SVIL: variants seen among roughly 807,000 people sequenced by gnomAD.
SVIL encodes the protein supervillin, also known as archvillin.
SVIL carries 101 observed loss-of-function variants against 240.4 expected under a neutral mutation model. That is an observed-to-expected ratio of 0.42 (90% CI 0.36 to 0.50). SVIL has a LOEUF of 0.50. Among genes scored for constraint, SVIL ranks in the 20% least tolerant of loss-of-function variants. SVIL has a pLI of 0.01. For synonymous variants in SVIL, 999 were observed against 1,100.0 expected (o/e 0.91, Z 1.82); for missense variants, 2,512 against 2,818.7 (o/e 0.89, Z 2.46).
chr10:29,533,593 G>T, intron 7 of SVIL, 135 bp from the exon 8 acceptor site: 8 of 1,401,156 alleles, frequency 5.7e-6, no homozygotes, highest in Non-Finnish European at 7.5e-6. Context: ...GCATTTTGGT[G>T]TCTAATGTCA....
chr10:29,719,588 C>A (rs1191493688), intron 1 of SVIL, among the ~76,000 whole-genome samples: 1 of 152,046 alleles, frequency 6.6e-6, no homozygotes, highest in African/African-American at 2.4e-5. Flanking sequence ...AATTAGCAGA[C>A]AAGGACAAAT....
At chr10:29,671,007 G>C (rs1189782052) in intron 2 of SVIL, 1 of 152,140 alleles carries the variant, frequency 6.6e-6, no homozygotes, top group Non-Finnish European at 1.5e-5. Context: ...CAACAACAGA[G>C]TCTGATGAGG....
intron 1 of SVIL, among the ~76,000 whole-genome samples, chr10:29,610,048 G>A (rs1957182471): frequency 6.6e-6 from 1 of 152,206 alleles, no homozygotes; most frequent in Non-Finnish European, 1.5e-5. Context: ...GGACTGGACA[G>A]GCTCATCACC....
intron 10 of SVIL, 130 bp downstream of exon 10, chr10:29,531,124 G>C: frequency 1.1e-6 from 1 of 875,994 alleles, no homozygotes; most frequent in Non-Finnish European, 1.7e-6. Flanking sequence ...TCCACAGAAC[G>C]AAAACCTGCA....
chr10:29,598,926 C>T (rs1292600866), intron 1 of SVIL, among the ~76,000 whole-genome samples: 1 of 152,202 alleles, frequency 6.6e-6, no homozygotes, highest in Non-Finnish European at 1.5e-5. Flanking sequence ...AGATTTGGAA[C>T]ATGAGCTAAT....
At chr10:29,507,296 T>C (rs553379046) in intron 17 of SVIL, among the ~76,000 whole-genome samples, 59 of 152,188 alleles carry the variant, frequency 3.9e-4, no homozygotes, top group African/African-American at 1.1e-3. Flanking sequence ...GCGAAGAACA[T>C]GGCTGCATCT....
intron 2 of SVIL, among the ~76,000 whole-genome samples, chr10:29,685,348 A>G (rs998876056): frequency 6.6e-6 from 1 of 152,130 alleles, no homozygotes; most frequent in African/African-American, 2.4e-5. Flanking sequence ...GGTTGATTCC[A>G]TGTCTTGCTA....
At chr10:29,547,285 A>C (rs184858650) in intron 6 of SVIL, among the ~76,000 whole-genome samples, 1 of 152,142 alleles carries the variant, frequency 6.6e-6, no homozygotes, top group Non-Finnish European at 1.5e-5. Flanking sequence ...TTTGTCACAC[A>C]TTTTCCATCC....
chr10:29,712,327 C>T (rs570793727), intron 1 of SVIL, among the ~76,000 whole-genome samples: 7 of 151,898 alleles, frequency 4.6e-5, no homozygotes, highest in African/African-American at 1.2e-4. Flanking sequence ...TTCTGGGGGG[C>T]GGGGAGGCAG....
chr10:29,705,524 G>T (rs1330421499), intron 1 of SVIL, among the ~76,000 whole-genome samples: 1 of 151,962 alleles, frequency 6.6e-6, no homozygotes, highest in Admixed American at 6.6e-5. Flanking sequence ...GAATGTGCAG[G>T]TTTATTAGAT....
At chr10:29,599,438 CAG>C (rs1564687609) in intron 1 of SVIL, among the ~76,000 whole-genome samples, 1 of 150,006 alleles carries the variant, frequency 6.7e-6, no homozygotes, top group African/African-American at 2.4e-5. Flanking sequence ...TTTTTTGAGA[CAG>C]AGTCTCGCTC....
At chr10:29,467,686 C>T (rs887074620) in intron 33 of SVIL, 56 bp downstream of exon 33, 2 of 1,607,694 alleles carry the variant, frequency 1.2e-6, no homozygotes, top group Non-Finnish European at 1.7e-6. Flanking sequence ...GAGCAAGACT[C>T]TTGTTTCCAA....
chr10:29,614,112 C>G (rs370620059), intron 1 of SVIL, among the ~76,000 whole-genome samples: 1 of 152,094 alleles, frequency 6.6e-6, no homozygotes, highest in Non-Finnish European at 1.5e-5. Flanking sequence ...ACAACAGAAC[C>G]TTTTAAAGCC....
chr10:29,524,394 T>C, intron 14 of SVIL, 78 bp downstream of exon 14: 1 of 1,582,402 alleles, frequency 6.3e-7, no homozygotes, highest in Non-Finnish European at 8.6e-7. Flanking sequence ...ATTACATCAT[T>C]GACCTCAGAG....
chr10:29,522,588 C>T lies in SVIL; in HGVS notation c.3211G>A (p.Gly1071Arg). Residue 1071 changes from glycine (G) to arginine (R), a missense_variant, in exon 16 of 38, where the codon GGG (glycine) becomes AGG (arginine). Physicochemically the swap from Gly to Arg is moderately radical, Grantham distance 125 (BLOSUM62 -2). This residue lies in a region of SVIL where 1,443 missense variants were observed against 1,486.6 expected (regional missense o/e 0.97). Transcript: ENST00000355867. Reference protein sequence around the residue: ...PTSEQTGTAAGKTIAQTTAPV... With the variant: ...PTSEQTGTAARKTIAQTTAPV... ...GCTGTGGTTTGAGCAATAGTTTTCCCAGCAGCTGTCCCCGTCTGCTCGGAA... is the reference window on the plus strand; with the variant it reads ...GCTGTGGTTTGAGCAATAGTTTTCCTAGCAGCTGTCCCCGTCTGCTCGGAA... 1.2e-6 allele frequency: 2 copies of T among 1,614,154 alleles called. No homozygotes were observed. The highest frequency in any genetic ancestry group is 1.7e-5 in the Admixed American group (1 of 60,014).
At chr10:29,712,974 C>T (rs1012522311) in intron 1 of SVIL, among the ~76,000 whole-genome samples, 11 of 151,992 alleles carry the variant, frequency 7.2e-5, no homozygotes, top group Non-Finnish European at 1.2e-4. Flanking sequence ...ATCAGGAGTT[C>T]GAGACCAGCC....
chr10:29,654,388 T>C (rs899560027), intron 3 of SVIL, among the ~76,000 whole-genome samples: 4 of 152,210 alleles, frequency 2.6e-5, no homozygotes, highest in Non-Finnish European at 4.4e-5. Flanking sequence ...TAATCTTATG[T>C]CCTGCAATCT....
chr10:29,566,384 G>A (rs554668794), intron 2 of SVIL, among the ~76,000 whole-genome samples: 13 of 152,064 alleles, frequency 8.5e-5, no homozygotes, highest in East Asian at 1.9e-4. Flanking sequence ...CCCTGCTCCC[G>A]CTAAATGACT....
intron 1 of SVIL, among the ~76,000 whole-genome samples, chr10:29,727,808 C>T (rs911436967): frequency 6.6e-6 from 1 of 151,880 alleles, no homozygotes; most frequent in Admixed American, 6.6e-5. Context: ...GGAACAAGTG[C>T]CAGGTGGGAG....
Sources: gnomAD v4.1 joint callset for allele counts (sites outside exome capture counted in the v4.1 genomes callset) on GRCh38, gnomAD v4.1.1 for gene constraint, gnomAD v4.1.1 regional missense constraint, MANE v1.5 for transcripts, NCBI Gene and HGNC (gene_info 2026-07-23, HGNC 2026-07-21) for gene names.